Variants in CNTNAP2 observed in about 807,000 individuals in gnomAD.
CNTNAP2 encodes contactin associated protein 2, also known as contactin-associated protein-like 2.
Under a neutral mutation model 155.2 loss-of-function variants are expected in CNTNAP2, and 98 were observed. The observed-to-expected ratio is 0.63, with a 90% CI of 0.54 to 0.75. CNTNAP2 has a LOEUF of 0.75. Among genes scored for constraint, CNTNAP2 ranks in the 30% least tolerant of loss-of-function variants. CNTNAP2 has a pLI of 0.00. For missense variants in CNTNAP2, 1,727 were observed against 1,688.1 expected, an observed-to-expected ratio of 1.02 and a Z score of -0.40; for synonymous variants, 651 against 631.2, an observed-to-expected ratio of 1.03 and a Z score of -0.47.
intron 21 of CNTNAP2, among the ~76,000 whole-genome samples, chr7:148,289,419 G>T (rs10277373): frequency 6.6e-6 from 1 of 151,942 alleles, no homozygotes; most frequent in Non-Finnish European, 1.5e-5. Context: ...GGGAGTTTTC[G>T]GAACAGATTT....
At chr7:146,482,509 C>G (rs1796976983) in intron 1 of CNTNAP2, among the ~76,000 whole-genome samples, 1 of 151,754 alleles carries the variant, frequency 6.6e-6, no homozygotes, top group African/African-American at 2.4e-5. Context: ...CTTTGGGAGG[C>G]CGAGGCTGGC....
chr7:147,557,740 T>G (rs1167126787), intron 11 of CNTNAP2, among the ~76,000 whole-genome samples: 1 of 152,224 alleles, frequency 6.6e-6, no homozygotes, highest in Non-Finnish European at 1.5e-5. Flanking sequence ...TTCTAGTTTT[T>G]GAAGTATCTG....
chr7:146,785,001 G>C (rs1802551277), intron 2 of CNTNAP2, among the ~76,000 whole-genome samples: 1 of 149,034 alleles, frequency 6.7e-6, no homozygotes, highest in Non-Finnish European at 1.5e-5. Flanking sequence ...TTTAAGACAA[G>C]GTTTGTCACC....
At chr7:146,409,735 A>G (rs1478263459) in intron 1 of CNTNAP2, among the ~76,000 whole-genome samples, 1 of 152,176 alleles carries the variant, frequency 6.6e-6, no homozygotes, top group African/African-American at 2.4e-5. Flanking sequence ...CCTTCCACTA[A>G]GATTTTTTAT....
At chr7:147,643,083 A>G (rs1795309763) in intron 13 of CNTNAP2, among the ~76,000 whole-genome samples, 1 of 152,132 alleles carries the variant, frequency 6.6e-6, no homozygotes, top group Non-Finnish European at 1.5e-5. Context: ...GCTTTTAACA[A>G]ACACCCATGG....
In CNTNAP2 at chr7:148,217,511, C is replaced by T. The variant is rs199563642; in HGVS notation, c.3234C>T (p.Leu1078=). 18 of 1,614,144 alleles carry T rather than the reference C, an allele frequency of 1.1e-5. No individual in the cohort carries two copies. The highest frequency in any genetic ancestry group is 1.6e-4 in the Middle Eastern group (1 of 6,062). ...SSFTTDFLAV[L]VKPTGSLQIR... ...TCACCACAGACTTCTTGGCAGTCCT[C>T]GTCAAACCCACTGGTAAGGACAAGG... Residue 1078 remains leucine, a synonymous_variant, in exon 19 of 24, where the codon CTC becomes CTT. Coordinates refer to ENST00000361727, the MANE Select transcript of CNTNAP2 (RefSeq NM_014141.6).
intron 2 of CNTNAP2, 124 bp from the exon 3 acceptor site, chr7:146,839,587 C>A: frequency 1.0e-6 from 1 of 973,970 alleles, no homozygotes; most frequent in Non-Finnish European, 1.6e-6. Context: ...AAGGATATTT[C>A]ATAATATATC....
At chr7:147,601,326 T>G (rs752270094) in intron 12 of CNTNAP2, among the ~76,000 whole-genome samples, 29 of 151,516 alleles carry the variant, frequency 1.9e-4, no homozygotes, top group Non-Finnish European at 3.8e-4. Context: ...GGTGGGGCCG[T>G]TTTATAGGAT....
At chr7:146,120,613 T>A (rs1040324252) in intron 1 of CNTNAP2, among the ~76,000 whole-genome samples, 1 of 152,188 alleles carries the variant, frequency 6.6e-6, no homozygotes, top group African/African-American at 2.4e-5. Context: ...CATAATGACA[T>A]TTCAGTTCAA....
At chr7:148,257,757 G>A (rs547117349) in intron 20 of CNTNAP2, among the ~76,000 whole-genome samples, 1 of 152,134 alleles carries the variant, frequency 6.6e-6, no homozygotes, top group African/African-American at 2.4e-5. Flanking sequence ...CGATCAGCCA[G>A]TCTCCCCATC....
chr7:146,322,634 C>CTTTTTTTTTTTTTTTTTTTTT lies in CNTNAP2; in HGVS notation c.97+205679_97+205680insTTTTTTTTTTTTTTTTTTTTT, dbSNP rs56287346. On this transcript the variant is annotated intron_variant, in intron 1 of 23. Coordinates refer to ENST00000361727, the MANE Select transcript of CNTNAP2 (RefSeq NM_014141.6). ...AAGAGGAGACTGTTGTGTTCATTCT[C>CTTTTTTTTTTTTTTTTTTTTT]TTTTTTTTTTTTTTTTTTGCTGGCT... Among the ~76,000 whole-genome samples the CTTTTTTTTTTTTTTTTTTTTT allele has an allele frequency of 2.0e-4, 13 of 64,958 alleles. 2 individuals carry two copies. The highest frequency in any genetic ancestry group is 2.8e-4 in the African/African-American group (5 of 18,020). 42.6% of individuals were successfully genotyped at this position (64,958 alleles called of 152,430 possible).
At chr7:147,408,279 G>T (rs901194537) in intron 10 of CNTNAP2, among the ~76,000 whole-genome samples, 2 of 152,194 alleles carry the variant, frequency 1.3e-5, no homozygotes, top group African/African-American at 4.8e-5. Flanking sequence ...ATCTAGGTTG[G>T]GATGGAGATG....
chr7:147,879,567 C>T (rs1380739121), intron 13 of CNTNAP2, among the ~76,000 whole-genome samples: 2 of 151,992 alleles, frequency 1.3e-5, no homozygotes, highest in Non-Finnish European at 2.9e-5. Flanking sequence ...GCAATAAGTC[C>T]GTGTAGGGGC....
chr7:147,000,220 A>T (rs768320823), intron 3 of CNTNAP2, among the ~76,000 whole-genome samples: 109 of 151,856 alleles, frequency 7.2e-4, no homozygotes, highest in Non-Finnish European at 1.2e-3. Flanking sequence ...GTTTGATTTA[A>T]TATTATTATT....
At chr7:148,370,338 C>G (rs1181829601) in intron 21 of CNTNAP2, among the ~76,000 whole-genome samples, 1 of 152,302 alleles carries the variant, frequency 6.6e-6, no homozygotes, top group Non-Finnish European at 1.5e-5. Flanking sequence ...GTCTCCGGTT[C>G]CTGGAGGCTG....
chr7:146,650,998 T>C (rs969969414), intron 1 of CNTNAP2, among the ~76,000 whole-genome samples: 2 of 151,564 alleles, frequency 1.3e-5, no homozygotes, highest in African/African-American at 4.9e-5. Context: ...GTGACTGCAC[T>C]CCAGCCTGGG....
intron 21 of CNTNAP2, among the ~76,000 whole-genome samples, chr7:148,284,535 G>A (rs13244238): frequency 0.54 from 79,962 of 148,832 alleles, 23,069 homozygotes; most frequent in East Asian, 0.75. Flanking sequence ...GAGGTAAGAG[G>A]AGAGTGGTTA....
chr7:146,296,318 T>G (rs1408868378), intron 1 of CNTNAP2, among the ~76,000 whole-genome samples: 1 of 152,120 alleles, frequency 6.6e-6, no homozygotes, highest in East Asian at 1.9e-4. Context: ...TTGGGCTACT[T>G]CAGAGCCTGT....
intron 3 of CNTNAP2, among the ~76,000 whole-genome samples, chr7:146,949,017 T>C (rs1399441710): frequency 2.0e-5 from 3 of 152,178 alleles, no homozygotes; most frequent in Non-Finnish European, 4.4e-5. Flanking sequence ...TATATTACTT[T>C]TGCAAGTTTT....
Sources: allele counts gnomAD v4.1 joint callset (sites outside exome capture counted in the v4.1 genomes callset), GRCh38; gene constraint gnomAD v4.1.1; transcripts MANE v1.5; gene names NCBI Gene and HGNC (gene_info 2026-07-23, HGNC 2026-07-21).